The following TASOR2 variants were observed in gnomAD, a reference collection of about 807,000 sequenced individuals.
The protein encoded by TASOR2 is transcription activation suppressor family member 2.
In TASOR2, 84 loss-of-function variants were observed where a neutral mutation model predicts 199.5. That is an observed-to-expected ratio of 0.42 (90% confidence interval 0.35 to 0.50). The LOEUF (loss-of-function observed/expected upper bound fraction) is 0.50, where lower values mean the gene tolerates loss of function less well. Among genes scored for constraint, TASOR2 ranks in the 20% least tolerant of loss-of-function variants. TASOR2 has a pLI of 0.02. For synonymous variants in TASOR2, 1,103 were observed against 1,046.6 expected, an observed-to-expected ratio of 1.05 and a Z score of -1.04; for missense variants, 2,796 against 2,835.9, an observed-to-expected ratio of 0.99 and a Z score of 0.32.
chr10:5,748,079 A>C lies in TASOR2; in HGVS notation c.4658A>C (p.Gln1553Pro). Residue 1553 changes from glutamine (Q) to proline (P), a missense_variant, in exon 15 of 21, where the codon CAG becomes CCG. Gln to Pro is a moderately conservative substitution (Grantham distance 76, BLOSUM62 -1). Transcript: ENST00000328090. This position sits in a 1 kb window ranked among gnomAD's most constrained non-coding sequence, Gnocchi z 5.1. ...CTGGTAAAATCAGGAAATCCATTGC[A>C]GCCAGTTAGTATAGAGAATAGAAAT... The C allele has an allele frequency of 6.2e-7, 1 of 1,614,230 alleles. No homozygotes were observed. The highest frequency in any genetic ancestry group is 8.5e-7 in the Non-Finnish European group (1 of 1,180,032).
At chr10:5,711,576 G>C (rs1376111212) in intron 1 of TASOR2, among the ~76,000 whole-genome samples, 1 of 152,116 alleles carries the variant, frequency 6.6e-6, no homozygotes, top group East Asian at 1.9e-4. Flanking sequence ...AGTGTCCGTA[G>C]GTCATTAGGC....
chr10:5,725,993 A>G (rs1415102209), intron 8 of TASOR2, among the ~76,000 whole-genome samples: 1 of 152,160 alleles, frequency 6.6e-6, no homozygotes, highest in African/African-American at 2.4e-5. Flanking sequence ...CTTATTTTGT[A>G]TATTCATTGT....
chr10:5,761,495 C>T (rs1564377933), intron 19 of TASOR2, 24 bp downstream of exon 20: 1 of 1,600,072 alleles, frequency 6.2e-7, no homozygotes, highest in Admixed American at 1.7e-5. Flanking sequence ...GCATTTTACT[C>T]AGTTAATGCC....
At chr10:5,749,456 A>C in exon 15 of TASOR2, 3 of 1,614,172 alleles carry the variant, frequency 1.9e-6, no homozygotes, top group South Asian at 1.1e-5. Context: ...TCACCAACCC[A>C]GATCTCCATT....
chr10:5,751,052 A>T lies in TASOR2; in HGVS notation c.6606+1025A>T, dbSNP rs528935330. On this transcript the variant is annotated intron_variant, in intron 15 of 20. Coordinates refer to ENST00000328090, the Ensembl canonical transcript of TASOR2. This position sits in a 1 kb window ranked among gnomAD's most constrained non-coding sequence, Gnocchi z 5.3. ...TGACTTAGGCATTTTAGATGAGAAT[A>T]CTCAGATATCATGTAGTGCTCTTGT... 7.2e-5 allele frequency among the ~76,000 whole-genome samples: 11 copies of T among 152,312 alleles called. No homozygotes were observed. In the East Asian group the frequency reaches 2.1e-3, roughly 29 times the overall value.
intron 1 of TASOR2, among the ~76,000 whole-genome samples, chr10:5,692,212 T>C (rs1836518276): frequency 6.6e-6 from 1 of 151,242 alleles, no homozygotes; most frequent in African/African-American, 2.4e-5. Flanking sequence ...ATAAATACAT[T>C]TTTTATTATC....
At chr10:5,736,621 TAAGTA>T (rs1371534789) in intron 12 of TASOR2, among the ~76,000 whole-genome samples, 3 of 152,200 alleles carry the variant, frequency 2.0e-5, no homozygotes, top group Admixed American at 1.3e-4. Context: ...TAACTTTGCT[TAAGTA>T]AAGAATCAAG....
chr10:5,708,607 C>T (rs574696897), intron 1 of TASOR2, among the ~76,000 whole-genome samples: 141 of 6,960 alleles, frequency 0.02, 2 homozygotes, highest in Non-Finnish European at 0.024. Flanking sequence ...TCTCTTCCTT[C>T]CTCCCTCCCT....
intron 13 of TASOR2, among the ~76,000 whole-genome samples, chr10:5,741,047 C>T (rs1051719567): frequency 1.1e-4 from 17 of 152,190 alleles, no homozygotes; most frequent in African/African-American, 4.1e-4. Flanking sequence ...CCCTTTCTTA[C>T]CTCCTGTGAT....
At chr10:5,725,798 T>G (rs970220983) in intron 8 of TASOR2, among the ~76,000 whole-genome samples, 1 of 151,990 alleles carries the variant, frequency 6.6e-6, no homozygotes, top group African/African-American at 2.4e-5. Flanking sequence ...AATAGGCTCT[T>G]AAATCATAGC....
At position 5,685,259 on chromosome 10, in the gene TASOR2, G is replaced by A. The variant is rs1020956009; in HGVS notation, c.-288+84G>A. 1.0e-5 allele frequency: 4 copies of A among 397,080 alleles called. No homozygotes were observed. Among genetic ancestry groups the A allele is most frequent in the African/African-American group, 6.2e-5 (3 of 48,580 alleles). The allele number at this position is 397,080 out of a possible 1,614,324, so 24.6% of individuals were successfully genotyped here. ...GAGGCCGAGCGCTCGGGCAGCTGCC[G>A]GGGCTTGGCTGCGAGGGTCGACGCG... On this transcript the variant is annotated intron_variant, in intron 1 of 20. Transcript: ENST00000328090. This position sits in a 1 kb window ranked among gnomAD's most constrained non-coding sequence, Gnocchi z 5.4.
In TASOR2 at chr10:5,750,075, G is replaced by A. The variant is rs748097306; in HGVS notation, c.6606+48G>A. 1 of 1,513,978 alleles carries A rather than the reference G, an allele frequency of 6.6e-7. No individual in the cohort carries two copies. The highest frequency in any genetic ancestry group is 2.3e-5 in the Admixed American group (1 of 43,834). 93.8% of individuals were successfully genotyped at this position (1,513,978 alleles called of 1,614,324 possible). A position where few individuals can be genotyped will look rare whatever the true frequency, so the allele number is the denominator to read the frequency against. On this transcript the variant is annotated intron_variant, in intron 15 of 20. Transcript: ENST00000328090. The surrounding 1 kb of genome is among the most constrained non-coding windows in gnomAD (Gnocchi z 5.4). The stretch of plus-strand genomic sequence containing the variant: ...CGTATTATTTTAATTGCTGATTTTA[G>A]TTTTAGAAATAATAAATTTAGCATA...
rs151006432 is a variant in TASOR2 at position 5,692,596 on chromosome 10, C to T, written c.-288+7421C>T. On this transcript the variant is annotated intron_variant, in intron 1 of 20. Transcript: ENST00000328090. ...TTCCCTGGTGTGTGGAGTCCCTACC[C>T]GCTACAAGCTCCGTTGGGTCTACGG... is the stretch of plus-strand genomic sequence containing the variant. Among the ~76,000 whole-genome samples the T allele has an allele frequency of 6.6e-5, 10 of 152,026 alleles. No individual in the cohort carries two copies. The South Asian group carries it at 1.2e-3, about 19-fold the overall frequency.
rs1311098320 is a variant in TASOR2 at position 5,719,439 on chromosome 10, T to G, written c.-99-1105T>G. The stretch of plus-strand genomic sequence containing the variant: ...CTCACTGCAACCTCCACCTCCCGGG[T>G]TCAAGCAATTTTCCTACCTCAGCCT... On this transcript the variant is annotated intron_variant, in intron 3 of 20. Coordinates refer to ENST00000328090, the Ensembl canonical transcript of TASOR2. This position sits in a 1 kb window ranked among gnomAD's most constrained non-coding sequence, Gnocchi z 4.1. Among the ~76,000 whole-genome samples, 6 of 151,908 alleles carry G rather than the reference T, an allele frequency of 3.9e-5. No individual in the cohort carries two copies. Among genetic ancestry groups the G allele is most frequent in the African/African-American group, 1.5e-4 (6 of 41,366 alleles).
exon 17 of TASOR2, chr10:5,757,642 A>C (rs1429126430): frequency 6.2e-7 from 1 of 1,613,514 alleles, no homozygotes; most frequent in Non-Finnish European, 8.5e-7. Flanking sequence ...TTGTGATATC[A>C]GATGACAAGA....
chr10:5,753,487 G>T (rs572064390), intron 15 of TASOR2, among the ~76,000 whole-genome samples: 2 of 152,036 alleles, frequency 1.3e-5, no homozygotes, highest in Non-Finnish European at 1.5e-5. Context: ...CTCTGCCTCC[G>T]GAGTAGCTGG....
At chr10:5,713,507 T>G (rs1832191482) in intron 2 of TASOR2, among the ~76,000 whole-genome samples, 1 of 152,104 alleles carries the variant, frequency 6.6e-6, no homozygotes, top group Non-Finnish European at 1.5e-5. Context: ...AAGTTAGTGC[T>G]TCGATTAGGT....
chr10:5,756,026 G>T (rs1838889361), intron 15 of TASOR2, among the ~76,000 whole-genome samples: 1 of 152,124 alleles, frequency 6.6e-6, no homozygotes, highest in Non-Finnish European at 1.5e-5. Context: ...AAGTCATAGG[G>T]AGTGTAGGAT....
rs766089817 is a variant in TASOR2, at chr10:5,740,173, T to C, written c.2003T>C (p.Leu668Pro). The stretch of plus-strand genomic sequence containing the variant: ...CTTACAGAACATTCAAAGAAACATC[T>C]ACAGGAGAGAGAGATACTAAGCCCT... The change falls in exon 13 of 21, where the codon CTA (leucine) becomes CCA (proline). Residue 668 changes from leucine to proline, a missense_variant. Physicochemically the swap from Leu to Pro is moderately conservative, Grantham distance 98. This residue lies in a region of TASOR2 where 847 missense variants were observed against 887.4 expected (regional missense o/e 0.95). Transcript: ENST00000328090. The surrounding 1 kb of genome is among the most constrained non-coding windows in gnomAD (Gnocchi z 5.3). The C allele has an allele frequency of 6.2e-7, 1 of 1,614,172 alleles. No homozygotes were observed. Among genetic ancestry groups the C allele is most frequent in the Non-Finnish European group, 8.5e-7 (1 of 1,180,034 alleles).
Sources: allele counts gnomAD v4.1 joint callset (sites outside exome capture counted in the v4.1 genomes callset), GRCh38; gene constraint gnomAD v4.1.1; regional missense constraint gnomAD v4.1.1; non-coding constraint Gnocchi (gnomAD v3.1); transcripts MANE v1.5; gene names NCBI Gene and HGNC (gene_info 2026-07-23, HGNC 2026-07-21).